Variants in ESYT2 observed in about 807,000 individuals in gnomAD.
ESYT2 encodes the protein extended synaptotagmin-2.
A neutral mutation model predicts 107.2 loss-of-function variants in ESYT2; 54 were observed. The ratio of observed to expected loss-of-function variants is 0.50; its 90% CI spans 0.40 to 0.63. The LOEUF is 0.63. ESYT2 is among the 30% of genes least tolerant of loss of function. The probability of loss-of-function intolerance (pLI) is 0.00; values close to 1 mark genes in which losing one functional copy is unlikely to be tolerated. For missense variants in ESYT2, 1,020 were observed against 1,094.5 expected (o/e 0.93, Z 0.96); for synonymous variants, 491 against 434.1 (o/e 1.13, Z -1.63).
At chr7:158,804,123 G>A (rs1475009870) in intron 1 of ESYT2, among the ~76,000 whole-genome samples, 2 of 36,260 alleles carry the variant, frequency 5.5e-5, no homozygotes, top group African/African-American at 4.2e-4. Context: ...AACCCAAACC[G>A]TCGAGAAGGG....
intron 7 of ESYT2, among the ~76,000 whole-genome samples, chr7:158,771,399 C>A (rs879488957): frequency 6.6e-6 from 1 of 152,226 alleles, no homozygotes; most frequent in Non-Finnish European, 1.5e-5. Context: ...TTGGGGGATG[C>A]CCCCATTCAC....
At chr7:158,757,357 G>T (rs957451137) in intron 13 of ESYT2, among the ~76,000 whole-genome samples, 1 of 152,204 alleles carries the variant, frequency 6.6e-6, no homozygotes, top group African/African-American at 2.4e-5. Context: ...GACTGAGGCG[G>T]TATTTTCACA....
Position 158,764,669 on chromosome 7 carries a change from C to T in ESYT2, c.1101+8G>A. 1 of 1,613,186 alleles carries T rather than the reference C, an allele frequency of 6.2e-7. No homozygotes were observed. Among genetic ancestry groups the T allele is most frequent in the South Asian group, 1.1e-5 (1 of 90,894 alleles). On this transcript the variant is annotated splice_region_variant and intron_variant, in intron 9 of 22. Coordinates refer to ENST00000275418, the MANE Select transcript of ESYT2 (RefSeq NM_001367773.1). Reference sequence around the variant, plus strand: ...CACCCCAGCAACACAGCAGACACGACACCCCACCTCATAGACTTCATTCCA... The same window carrying T: ...CACCCCAGCAACACAGCAGACACGATACCCCACCTCATAGACTTCATTCCA...
At chr7:158,818,660 T>G (rs1840210706) in intron 1 of ESYT2, among the ~76,000 whole-genome samples, 1 of 152,236 alleles carries the variant, frequency 6.6e-6, no homozygotes, top group Non-Finnish European at 1.5e-5. Context: ...CCATGTCCAG[T>G]GTGTTCACTG....
In ESYT2 at chr7:158,829,121, G is replaced by A; in HGVS notation, c.298C>T (p.Leu100=). ...LLEDEERVVR[L]GVRACDLPAW... The stretch of plus-strand genomic sequence containing the variant: ...GGCAGGTCGCAGGCGCGCACCCCCA[G>A]GCGCACGACGCGCTCCTCGTCTTCC... The change falls in exon 1 of 23, where the codon CTG becomes TTG. Residue 100 remains leucine, a synonymous_variant. Transcript: ENST00000275418. The A allele has an allele frequency of 6.3e-7, 1 of 1,577,208 alleles. No individual in the cohort carries two copies. The highest frequency in any genetic ancestry group is 8.5e-7 in the Non-Finnish European group (1 of 1,170,924).
At chr7:158,770,169 G>T (rs947202789) in intron 7 of ESYT2, among the ~76,000 whole-genome samples, 1 of 152,078 alleles carries the variant, frequency 6.6e-6, no homozygotes, top group Non-Finnish European at 1.5e-5. Context: ...GGGATTACAG[G>T]TATGAGCCAC....
intron 19 of ESYT2, among the ~76,000 whole-genome samples, chr7:158,738,346 C>A (rs374851842): frequency 0.039 from 1,112 of 28,666 alleles, 20 homozygotes; most frequent in Admixed American, 0.065. Flanking sequence ...CACACACAGA[C>A]ACACACACAC....
At chr7:158,752,001 G>A (rs902891925) in intron 14 of ESYT2, among the ~76,000 whole-genome samples, 6 of 152,130 alleles carry the variant, frequency 3.9e-5, no homozygotes, top group African/African-American at 1.4e-4. Flanking sequence ...ATATAAAGCA[G>A]ACTCTGCCAG....
chr7:158,773,028 T>C (rs1431752970), intron 7 of ESYT2, among the ~76,000 whole-genome samples: 1 of 151,844 alleles, frequency 6.6e-6, no homozygotes, highest in Non-Finnish European at 1.5e-5. Context: ...TTTTACAAAA[T>C]ATTAAAAGAC....
intron 6 of ESYT2, among the ~76,000 whole-genome samples, chr7:158,779,271 AG>A (rs1406379428): frequency 6.6e-6 from 1 of 152,212 alleles, no homozygotes; most frequent in Non-Finnish European, 1.5e-5. Context: ...AGCCAGGTGT[AG>A]TGGCACAAGG....
At chr7:158,735,077 G>A (rs1836881235) in intron 21 of ESYT2, among the ~76,000 whole-genome samples, 1 of 152,250 alleles carries the variant, frequency 6.6e-6, no homozygotes, top group Admixed American at 6.5e-5. Flanking sequence ...TGGCAGCACA[G>A]CTGACGAAAT....
chr7:158,766,372 G>C (rs1196771808), intron 8 of ESYT2, among the ~76,000 whole-genome samples: 2 of 152,180 alleles, frequency 1.3e-5, no homozygotes, highest in African/African-American at 2.4e-5. Flanking sequence ...TCCAGGCTCA[G>C]GTGCTCACCT....
intron 1 of ESYT2, among the ~76,000 whole-genome samples, chr7:158,823,105 C>A (rs1840332193): frequency 6.6e-6 from 1 of 151,408 alleles, no homozygotes; most frequent in Admixed American, 6.6e-5. Context: ...CCAGCCTGGG[C>A]AACATGGTGA....
At chr7:158,759,891 A>G in intron 12 of ESYT2, among the ~76,000 whole-genome samples, 167 bp downstream of exon 12, 1 of 152,222 alleles carries the variant, frequency 6.6e-6, no homozygotes, top group East Asian at 1.9e-4. Flanking sequence ...TAAAAACTCC[A>G]TTATCTTTAA....
At chr7:158,789,997 C>A (rs1192695616) in intron 4 of ESYT2, among the ~76,000 whole-genome samples, 1 of 152,108 alleles carries the variant, frequency 6.6e-6, no homozygotes, top group Non-Finnish European at 1.5e-5. Context: ...AGGCTCCGAC[C>A]CTCACGAAGC....
At chr7:158,798,673 AAG>A (rs1554422985) in intron 2 of ESYT2, among the ~76,000 whole-genome samples, 1 of 150,278 alleles carries the variant, frequency 6.7e-6, no homozygotes, top group East Asian at 1.9e-4. Flanking sequence ...AAAAAAAAAA[AAG>A]ACTGTTATTG....
intron 1 of ESYT2, among the ~76,000 whole-genome samples, chr7:158,801,551 A>G (rs893409853): frequency 6.6e-6 from 1 of 152,232 alleles, no homozygotes. Flanking sequence ...CATCACAGAG[A>G]AAGACTGGGA....
chr7:158,767,288 A>G (rs1309789505), intron 8 of ESYT2, among the ~76,000 whole-genome samples: 1 of 152,240 alleles, frequency 6.6e-6, no homozygotes, highest in African/African-American at 2.4e-5. Flanking sequence ...GACTGCCAGG[A>G]AAACTGGTGC....
intron 1 of ESYT2, among the ~76,000 whole-genome samples, chr7:158,825,728 T>G (rs1482046752): frequency 6.6e-6 from 1 of 152,208 alleles, no homozygotes; most frequent in Non-Finnish European, 1.5e-5. Flanking sequence ...TTAATTCATG[T>G]TTTCCTATGT....
Sources: gnomAD v4.1 joint callset for allele counts (sites outside exome capture counted in the v4.1 genomes callset) on GRCh38, gnomAD v4.1.1 for gene constraint, MANE v1.5 for transcripts, NCBI Gene and HGNC (gene_info 2026-07-23, HGNC 2026-07-21) for gene names.